The following INPP4B variants were observed in gnomAD, a reference collection of about 807,000 sequenced individuals.
INPP4B encodes the protein inositol polyphosphate 4-phosphatase type II.
Under a neutral mutation model 122.5 loss-of-function variants are expected in INPP4B, and 55 were observed. That is an observed-to-expected ratio of 0.45 (90% CI 0.36 to 0.56). The LOEUF (loss-of-function observed/expected upper bound fraction) is 0.56. Among genes scored for constraint, INPP4B ranks in the 20% least tolerant of loss-of-function variants. The probability of loss-of-function intolerance (pLI) is 0.00; values close to 1 mark genes in which losing one functional copy is unlikely to be tolerated. For missense variants in INPP4B, 1,000 were observed against 1,097.7 expected (o/e 0.91, Z 1.26); for synonymous variants, 403 against 388.7 (o/e 1.04, Z -0.43).
rs138325014 is a variant in INPP4B at position 142,431,272 on chromosome 4, C to T, written c.-13G>A. On this transcript the variant is annotated 5_prime_UTR_variant, in exon 4 of 26. The change creates a new upstream start codon in the 5' untranslated region. Transcript: ENST00000262992. Reference sequence around the variant, plus strand: ...CTTTAATTTCCATGATCAACCTTCACAGTTTTAAAATTTTCCAAATTTTCT... The same window carrying T: ...CTTTAATTTCCATGATCAACCTTCATAGTTTTAAAATTTTCCAAATTTTCT... 2.5e-6 allele frequency: 4 copies of T among 1,609,588 alleles called. No homozygotes were observed. The highest frequency in any genetic ancestry group is 3.4e-6 in the Non-Finnish European group (4 of 1,176,324).
chr4:142,494,916 T>C (rs1822338934), intron 2 of INPP4B, among the ~76,000 whole-genome samples: 1 of 152,124 alleles, frequency 6.6e-6, no homozygotes, highest in Non-Finnish European at 1.5e-5. Flanking sequence ...ATGAGCCTCA[T>C]TTTTTCCCCA....
At chr4:142,323,129 A>G (rs1183918591) in intron 7 of INPP4B, among the ~76,000 whole-genome samples, 2 of 152,198 alleles carry the variant, frequency 1.3e-5, no homozygotes, top group Non-Finnish European at 2.9e-5. Flanking sequence ...GCCCTCAGAC[A>G]TTTTTAGGAA....
At chr4:142,742,009 G>A (rs1341524487) in intron 1 of INPP4B, among the ~76,000 whole-genome samples, 2 of 151,940 alleles carry the variant, frequency 1.3e-5, no homozygotes, top group African/African-American at 4.8e-5. Flanking sequence ...TAAATAAAAA[G>A]AAATTTGCAC....
At chr4:142,829,181 A>G (rs886299362) in intron 1 of INPP4B, among the ~76,000 whole-genome samples, 3 of 150,780 alleles carry the variant, frequency 2.0e-5, no homozygotes, top group Non-Finnish European at 4.4e-5. Flanking sequence ...GAGAAAAGAA[A>G]ATATCATGGG....
At chr4:142,376,624 C>T (rs1470352487) in intron 7 of INPP4B, among the ~76,000 whole-genome samples, 7 of 152,126 alleles carry the variant, frequency 4.6e-5, no homozygotes, top group Non-Finnish European at 1.0e-4. Context: ...TAAAAGGCCG[C>T]TCTTAGCCAC....
intron 10 of INPP4B, among the ~76,000 whole-genome samples, chr4:142,268,020 C>T (rs966613952): frequency 6.6e-6 from 1 of 151,840 alleles, no homozygotes; most frequent in Non-Finnish European, 1.5e-5. Flanking sequence ...GTCAGAATGA[C>T]TATTATCAAA....
At chr4:142,781,627 T>C (rs534622504) in intron 1 of INPP4B, among the ~76,000 whole-genome samples, 1 of 152,232 alleles carries the variant, frequency 6.6e-6, no homozygotes, top group African/African-American at 2.4e-5. Flanking sequence ...ACTGGAGAAG[T>C]ATAAAAAAAC....
intron 7 of INPP4B, among the ~76,000 whole-genome samples, chr4:142,367,843 G>A (rs1234606598): frequency 2.6e-5 from 4 of 152,104 alleles, no homozygotes; most frequent in Non-Finnish European, 5.9e-5. Flanking sequence ...ATGCTCCCTG[G>A]GCTGGAAGGA....
intron 1 of INPP4B, among the ~76,000 whole-genome samples, chr4:142,765,484 G>T (rs1771974473): frequency 6.6e-6 from 1 of 152,178 alleles, no homozygotes; most frequent in African/African-American, 2.4e-5. Flanking sequence ...TAGAGGAAGG[G>T]TTGTAATGGA....
intron 1 of INPP4B, among the ~76,000 whole-genome samples, chr4:142,785,860 C>T (rs533323450): frequency 1.3e-5 from 2 of 151,958 alleles, no homozygotes; most frequent in South Asian, 4.1e-4. Context: ...AAATCTACAC[C>T]TAGCCATGTC....
At position 142,402,809 on chromosome 4, in the gene INPP4B, C is replaced by T. The variant is rs550604039; in HGVS notation, c.372+129G>A. ...ACATATTTGGGAAAAAAACAACAAA[C>T]GATAAACATAAGACAATCATGAACA... On this transcript the variant is annotated intron_variant, in intron 7 of 25. Coordinates refer to ENST00000262992, the MANE Select transcript of INPP4B (RefSeq NM_001101669.3). 5.6e-5 allele frequency: 35 copies of T among 628,976 alleles called. No individual in the cohort carries two copies. The Admixed American group carries it at 6.0e-4, about 11-fold the overall frequency. The allele number at this position is 628,976 out of a possible 1,614,324, so 39.0% of individuals were successfully genotyped here. A position where few individuals can be genotyped will look rare whatever the true frequency, so the allele number is the denominator to read the frequency against.
chr4:142,445,199 T>A (rs1031122687), intron 3 of INPP4B, among the ~76,000 whole-genome samples: 8 of 151,766 alleles, frequency 5.3e-5, no homozygotes, highest in South Asian at 4.2e-4. Context: ...GAAAAAAAAA[T>A]TATCCAGACT....
intron 2 of INPP4B, among the ~76,000 whole-genome samples, chr4:142,522,323 T>C (rs1196685544): frequency 3.4e-5 from 5 of 148,764 alleles, no homozygotes; most frequent in African/African-American, 1.2e-4. Context: ...AACATTTCTT[T>C]CCTTCTTTCC....
intron 1 of INPP4B, among the ~76,000 whole-genome samples, chr4:142,834,390 T>A (rs1464099799): frequency 6.6e-6 from 1 of 152,150 alleles, no homozygotes; most frequent in African/African-American, 2.4e-5. Context: ...TGCTACCTGT[T>A]GCTCTCCCTA....
At chr4:142,279,346 T>G (rs1317152474) in intron 9 of INPP4B, among the ~76,000 whole-genome samples, 1 of 151,630 alleles carries the variant, frequency 6.6e-6, no homozygotes, top group African/African-American at 2.4e-5. Flanking sequence ...TTGGAAAAAA[T>G]AAAATGAAGG....
chr4:142,307,756 T>C (rs1763976015), intron 8 of INPP4B, among the ~76,000 whole-genome samples: 1 of 152,226 alleles, frequency 6.6e-6, no homozygotes, highest in Admixed American at 6.5e-5. Flanking sequence ...CCACTCATTA[T>C]TCACACTCAA....
chr4:142,543,957 T>C (rs1279526860), intron 2 of INPP4B, among the ~76,000 whole-genome samples: 1 of 152,168 alleles, frequency 6.6e-6, no homozygotes, highest in Admixed American at 6.6e-5. Context: ...TTGGCTGATA[T>C]AGCCTTCATC....
chr4:142,093,589 AATAATT>A (rs1217047897), intron 23 of INPP4B, among the ~76,000 whole-genome samples: 1 of 152,154 alleles, frequency 6.6e-6, no homozygotes, highest in Non-Finnish European at 1.5e-5. Flanking sequence ...TTAATTCTAA[AATAATT>A]ATAGTTAACT....
At chr4:142,751,911 A>T (rs1038250031) in intron 1 of INPP4B, among the ~76,000 whole-genome samples, 17 of 152,102 alleles carry the variant, frequency 1.1e-4, no homozygotes, top group African/African-American at 3.6e-4. Flanking sequence ...TATTTTTCCA[A>T]GTATTTCTGA....
Sources: gnomAD v4.1 joint callset for allele counts (sites outside exome capture counted in the v4.1 genomes callset) on GRCh38, gnomAD v4.1.1 for gene constraint, MANE v1.5 for transcripts, NCBI Gene and HGNC (gene_info 2026-07-23, HGNC 2026-07-21) for gene names.